Variants in USP48 observed in about 807,000 individuals in gnomAD.
The protein encoded by USP48 is ubiquitin carboxyl-terminal hydrolase 48.
USP48 carries 43 observed loss-of-function variants against 150.7 expected under a neutral mutation model. The observed-to-expected ratio is 0.29, with a 90% confidence interval of 0.22 to 0.37. The LOEUF (loss-of-function observed/expected upper bound fraction) is 0.37, where lower values mean the gene tolerates loss of function less well. Ranked by LOEUF, USP48 falls within the 10% of genes least tolerant of loss-of-function variation. The pLI, the probability that USP48 is intolerant of heterozygous loss-of-function variation, is 1.00. For missense variants in USP48, 813 were observed against 1,249.6 expected (o/e 0.65, Z 5.27); for synonymous variants, 396 against 425.9 (o/e 0.93, Z 0.86).
chr1:21,699,708 G>T (rs971004014), intron 22 of USP48, among the ~76,000 whole-genome samples: 7 of 151,690 alleles, frequency 4.6e-5, no homozygotes, highest in Non-Finnish European at 8.8e-5. Context: ...GTAGAGACGG[G>T]TTTCACTATG....
chr1:21,769,419 A>C (rs2097872661), intron 1 of USP48, among the ~76,000 whole-genome samples: 1 of 151,310 alleles, frequency 6.6e-6, no homozygotes, highest in Non-Finnish European at 1.5e-5. Flanking sequence ...GAGCAGAAAC[A>C]ATTTTTTTTT....
At chr1:21,747,258 C>T (rs1293256569) in intron 7 of USP48, 109 bp from the exon 8 acceptor site, 1 of 617,578 alleles carries the variant, frequency 1.6e-6, no homozygotes, top group Non-Finnish European at 2.6e-6. Context: ...TTTCACTTCA[C>T]AATCTTCCTC....
chr1:21,769,498 C>T (rs137930742), intron 1 of USP48, among the ~76,000 whole-genome samples: 3,190 of 151,976 alleles, frequency 0.021, 113 homozygotes, highest in African/African-American at 0.073. Flanking sequence ...CTGCAACCTC[C>T]GCCTCCTGGG....
intron 3 of USP48, among the ~76,000 whole-genome samples, chr1:21,754,448 A>G (rs2097826151): frequency 6.6e-6 from 1 of 152,204 alleles, no homozygotes; most frequent in Non-Finnish European, 1.5e-5. Flanking sequence ...AAGCATGGAT[A>G]TTGAGAGCCC....
chr1:21,708,884 C>CAAAAA (rs1181628764), intron 15 of USP48, among the ~76,000 whole-genome samples: 42 of 16,268 alleles, frequency 2.6e-3, no homozygotes, highest in African/African-American at 4.4e-3. Flanking sequence ...GACTCCGTCT[C>CAAAAA]AAAAAAAAAA....
At chr1:21,708,893 AAAAAAAAAAG>A (rs1239045428) in intron 15 of USP48, among the ~76,000 whole-genome samples, 1 of 69,668 alleles carries the variant, frequency 1.4e-5, no homozygotes, top group Non-Finnish European at 4.0e-5. Context: ...TCAAAAAAAA[AAAAAAAAAAG>A]AAAGAAAAGA....
At position 21,715,362 on chromosome 1, in the gene USP48, CAG is replaced by C. The variant is rs776923038; in HGVS notation, c.1963+25_1963+26del. ...AAAAGTAAAAAAAAGGACAATAAAA[CAG>C]AATTCATTTATGCTTCTAGCTTACC... On this transcript the variant is annotated intron_variant, in intron 15 of 26. Transcript: ENST00000308271. 1.5e-5 allele frequency: 23 copies of C among 1,543,412 alleles called. No individual in the cohort carries two copies. In the South Asian group the frequency reaches 2.2e-4, roughly 15 times the overall value.
At chr1:21,708,165 AAAAAC>A (rs1023421034) in intron 15 of USP48, among the ~76,000 whole-genome samples, 3 of 152,118 alleles carry the variant, frequency 2.0e-5, no homozygotes, top group Non-Finnish European at 2.9e-5. Context: ...GCCATCTCAA[AAAAAC>A]AAAACAAAAC....
chr1:21,744,002 A>G (rs1034802169), intron 8 of USP48, among the ~76,000 whole-genome samples: 2 of 152,200 alleles, frequency 1.3e-5, no homozygotes, highest in African/African-American at 4.8e-5. Context: ...GAATCTTAAT[A>G]GTATTCCCTA....
At chr1:21,763,003 AAAT>A (rs961982631) in intron 1 of USP48, among the ~76,000 whole-genome samples, 80 of 152,282 alleles carry the variant, frequency 5.3e-4, no homozygotes, top group African/African-American at 1.9e-3. Context: ...CCTGATAGCA[AAAT>A]AATTCAGACA....
chr1:21,679,838 C>CGT (rs2097560695), intron 26 of USP48, among the ~76,000 whole-genome samples: 1 of 152,134 alleles, frequency 6.6e-6, no homozygotes, highest in African/African-American at 2.4e-5. Flanking sequence ...AGATTACAGG[C>CGT]GCACGCCACC....
intron 21 of USP48, among the ~76,000 whole-genome samples, chr1:21,703,267 G>C (rs1313622883): frequency 6.6e-6 from 1 of 152,162 alleles, no homozygotes; most frequent in Admixed American, 6.5e-5. Context: ...CCAGCACCTG[G>C]ACCATTCCTG....
chr1:21,743,414 C>T (rs1005558649), intron 8 of USP48, among the ~76,000 whole-genome samples: 5 of 152,152 alleles, frequency 3.3e-5, no homozygotes, highest in East Asian at 1.9e-4. Context: ...TTAACTATCA[C>T]GGACTCAGCA....
chr1:21,752,674 A>G, intron 4 of USP48, 23 bp from the exon 5 acceptor site: 1 of 1,573,304 alleles, frequency 6.4e-7, no homozygotes, highest in Non-Finnish European at 8.6e-7. Flanking sequence ...GTTAATGAAA[A>G]GAAAAATCAT....
chr1:21,782,353 G>A (rs1250927747), intron 1 of USP48, among the ~76,000 whole-genome samples: 3 of 151,820 alleles, frequency 2.0e-5, no homozygotes, highest in African/African-American at 7.3e-5. Context: ...GGCCAACGGG[G>A]GTGCAGGGTA....
In USP48 at chr1:21,704,374, G is replaced by A. The variant is rs1329382774; in HGVS notation, c.2403C>T (p.Pro801=). The change falls in exon 20 of 27, where the codon CCC becomes CCT. Residue 801 remains proline, a synonymous_variant. Coordinates refer to ENST00000308271, the MANE Select transcript of USP48 (RefSeq NM_032236.8). ...GCTTTTGTATCATTTGCCACTCACT[G>A]GGCCATATGAGAGCTATACTGTGCA... ...EDSKLIALIW[P]SEWQMIQKLF... is the part of the protein sequence containing the mutation. The A allele has an allele frequency of 6.2e-7, 1 of 1,613,162 alleles. No homozygotes were observed. Among genetic ancestry groups the A allele is most frequent in the Middle Eastern group, 1.7e-4 (1 of 6,058 alleles).
At chr1:21,698,764 G>A (rs1229743829) in intron 22 of USP48, among the ~76,000 whole-genome samples, 6 of 151,948 alleles carry the variant, frequency 3.9e-5, no homozygotes, top group Non-Finnish European at 8.8e-5. Flanking sequence ...GCGTGGTGGC[G>A]GGCGCCTGTA....
chr1:21,746,917 TAA>T, intron 8 of USP48, 148 bp downstream of exon 8: 1 of 577,564 alleles, frequency 1.7e-6, no homozygotes, highest in Non-Finnish European at 3.0e-6. Context: ...TTGGCTCTCC[TAA>T]AAAAGTCTTT....
intron 11 of USP48, 83 bp downstream of exon 11, chr1:21,728,487 G>A (rs1246404800): frequency 6.6e-7 from 1 of 1,522,182 alleles, no homozygotes; most frequent in Non-Finnish European, 8.8e-7. Flanking sequence ...GTAAGTTTGA[G>A]AAAGTTTCTT....
Sources: gnomAD v4.1 joint callset for allele counts (sites outside exome capture counted in the v4.1 genomes callset) on GRCh38, gnomAD v4.1.1 for gene constraint, MANE v1.5 for transcripts, NCBI Gene and HGNC (gene_info 2026-07-23, HGNC 2026-07-21) for gene names.